PTPN13: variants seen among roughly 807,000 people sequenced by gnomAD.
PTPN13 encodes the protein protein tyrosine phosphatase non-receptor type 13.
Under a neutral mutation model 284.0 loss-of-function variants are expected in PTPN13, and 191 were observed. That is an observed-to-expected ratio of 0.67 (90% confidence interval 0.60 to 0.76). The LOEUF is 0.76. PTPN13 is among the 30% of genes least tolerant of loss of function. The pLI is 0.00. For synonymous variants in PTPN13, 986 were observed against 1,022.3 expected, an observed-to-expected ratio of 0.96 and a Z score of 0.68; for missense variants, 2,797 against 2,939.9, an observed-to-expected ratio of 0.95 and a Z score of 1.12.
chr4:86,799,616 C>G (rs1743763644), intron 42 of PTPN13, among the ~76,000 whole-genome samples: 1 of 151,936 alleles, frequency 6.6e-6, no homozygotes, highest in South Asian at 2.1e-4. Flanking sequence ...AGGCATGAAC[C>G]ACCGCACCCA....
At chr4:86,688,711 T>G (rs186916551) in intron 4 of PTPN13, among the ~76,000 whole-genome samples, 1 of 152,274 alleles carries the variant, frequency 6.6e-6, no homozygotes, top group Non-Finnish European at 1.5e-5. Flanking sequence ...AGTAACTGTT[T>G]ATCAAAACAT....
At chr4:86,742,044 A>G (rs993254561) in intron 16 of PTPN13, among the ~76,000 whole-genome samples, 1 of 152,204 alleles carries the variant, frequency 6.6e-6, no homozygotes. Context: ...GGCTGGTTAT[A>G]TGCTCAATTA....
intron 2 of PTPN13, among the ~76,000 whole-genome samples, chr4:86,643,028 G>A (rs1578320119): frequency 6.6e-6 from 1 of 151,992 alleles, no homozygotes; most frequent in African/African-American, 2.4e-5. Flanking sequence ...CAGCTCTTTC[G>A]AATCTTGAGG....
chr4:86,705,829 A>T (rs956681087), intron 7 of PTPN13, among the ~76,000 whole-genome samples: 1 of 144,308 alleles, frequency 6.9e-6, no homozygotes, highest in African/African-American at 2.5e-5. Flanking sequence ...CATGTGACTT[A>T]AAAAAAAAAA....
intron 40 of PTPN13, among the ~76,000 whole-genome samples, chr4:86,792,409 A>G (rs1427489060): frequency 6.6e-6 from 1 of 152,226 alleles, no homozygotes; most frequent in East Asian, 1.9e-4. Context: ...GACAGGCAGA[A>G]TGGAACCAAG....
chr4:86,628,952 G>A (rs914776386), intron 1 of PTPN13, among the ~76,000 whole-genome samples: 3 of 151,288 alleles, frequency 2.0e-5, no homozygotes, highest in Admixed American at 6.6e-5. Context: ...GAATAGTGCC[G>A]CAATAAACAT....
intron 3 of PTPN13, among the ~76,000 whole-genome samples, chr4:86,675,068 A>C (rs945798360): frequency 6.6e-6 from 1 of 152,136 alleles, no homozygotes; most frequent in Non-Finnish European, 1.5e-5. Flanking sequence ...AGGTTTCCCA[A>C]TTTGCCTTGT....
chr4:86,704,731 T>G (rs1042083102), intron 7 of PTPN13, among the ~76,000 whole-genome samples: 7 of 152,342 alleles, frequency 4.6e-5, no homozygotes, highest in African/African-American at 1.7e-4. Context: ...TCTTGAAATC[T>G]TTTTAACTAG....
At chr4:86,735,783 C>G (rs906139665) in intron 15 of PTPN13, 37 bp downstream of exon 15, 4 of 1,571,474 alleles carry the variant, frequency 2.5e-6, no homozygotes, top group African/African-American at 1.4e-5. Flanking sequence ...AGCTTTGTAT[C>G]TTTTCCAAGT....
At chr4:86,750,059 T>A (rs1298621848) in intron 17 of PTPN13, among the ~76,000 whole-genome samples, 2 of 152,208 alleles carry the variant, frequency 1.3e-5, no homozygotes, top group Non-Finnish European at 2.9e-5. Flanking sequence ...CCATCTAGGT[T>A]TCGTCTCTCC....
In PTPN13 at chr4:86,693,668, C is replaced by A. The variant is rs1182627250; in HGVS notation, c.628C>A (p.Pro210Thr). Residue 210 changes from proline to threonine, a missense_variant, in exon 6 of 48, where the codon CCA becomes ACA. Pro to Thr is a conservative substitution (Grantham distance 38, BLOSUM62 -1). Transcript: ENST00000411767. Reference sequence around the variant, plus strand: ...AGATCGATTGCGAGGAAAAGGATTACCAACAGGTAAGAGTATATTAATAGG... The same window carrying A: ...AGATCGATTGCGAGGAAAAGGATTAACAACAGGTAAGAGTATATTAATAGG... ...IRDRLRGKGL[P>T]TGRSSTSDVL... 6.5e-7 allele frequency: 1 copy of A among 1,548,786 alleles called. No individual in the cohort carries two copies. Among genetic ancestry groups the A allele is most frequent in the Admixed American group, 1.9e-5 (1 of 51,472 alleles).
At position 86,785,903 on chromosome 4, in the gene PTPN13, C is replaced by T. The variant is rs201899360; in HGVS notation, c.6312C>T (p.Cys2104=). The T allele has an allele frequency of 1.8e-4, 277 of 1,562,786 alleles. 3 individuals are homozygous for T. In the African/African-American group the frequency reaches 3.1e-3, roughly 18 times the overall value. ...LSEERTEDTD[C]DGSPLPEYFT... ...AAGAGAGAACAGAAGATACAGACTG[C>T]GATGGTTCACCTTTACCTGAGTATT... is the stretch of plus-strand genomic sequence containing the variant. The change falls in exon 40 of 48, where the codon TGC becomes TGT. Residue 2104 remains cysteine (C), a synonymous_variant. Transcript: ENST00000411767.
chr4:86,613,526 A>G (rs1474178718), intron 1 of PTPN13, among the ~76,000 whole-genome samples: 1 of 151,578 alleles, frequency 6.6e-6, no homozygotes, highest in Non-Finnish European at 1.5e-5. Context: ...CCCAGCTACT[A>G]GAGAGGCTGA....
At chr4:86,780,649 A>G (rs28663463) in intron 36 of PTPN13, among the ~76,000 whole-genome samples, 177 bp downstream of exon 36, 15,223 of 152,264 alleles carry the variant, frequency 0.1, 889 homozygotes, top group Non-Finnish European at 0.11. Context: ...ATTCTACATA[A>G]AAACTTGGAC....
At chr4:86,709,490 G>A (rs73835705) in intron 7 of PTPN13, among the ~76,000 whole-genome samples, 3,243 of 152,272 alleles carry the variant, frequency 0.021, 117 homozygotes, top group African/African-American at 0.074. Context: ...AATATATGCA[G>A]TGGTGCTATT....
intron 40 of PTPN13, among the ~76,000 whole-genome samples, chr4:86,789,861 G>GT (rs1469357839): frequency 7.0e-6 from 1 of 142,102 alleles, no homozygotes; most frequent in African/African-American, 2.6e-5. Flanking sequence ...TTTTTTTTGA[G>GT]TAACAGCAAG....
In PTPN13 at chr4:86,807,492, C is replaced by A. The variant is rs1744778193; in HGVS notation, c.6746-68C>A. The A allele has an allele frequency of 3.4e-6, 4 of 1,186,604 alleles. No individual in the cohort carries two copies. The African/African-American group carries it at 4.6e-5, about 14-fold the overall frequency. The allele number at this position is 1,186,604 out of a possible 1,614,324, so 73.5% of individuals were successfully genotyped here. On this transcript the variant is annotated intron_variant, in intron 44 of 47. Coordinates refer to ENST00000411767, the MANE Select transcript of PTPN13 (RefSeq NM_080683.3). ...AATTTCTCATGATCTTTGACTCATG[C>A]AATTTGTAAGACTCTTGTTTAAAAT... is the stretch of plus-strand genomic sequence containing the variant.
intron 42 of PTPN13, 144 bp from the exon 43 acceptor site, chr4:86,803,565 C>T (rs1385446592): frequency 1.3e-5 from 11 of 844,804 alleles, no homozygotes; most frequent in South Asian, 1.1e-4. Context: ...TGCACTCCAT[C>T]GTAGGCGACA....
intron 46 of PTPN13, 86 bp from the exon 47 acceptor site, chr4:86,810,960 T>G (rs2149393733): frequency 7.5e-7 from 1 of 1,326,248 alleles, no homozygotes; most frequent in African/African-American, 1.5e-5. Context: ...ATACAGAATT[T>G]TACATAAGCC....
Sources: gnomAD v4.1 joint callset for allele counts (sites outside exome capture counted in the v4.1 genomes callset) on GRCh38, gnomAD v4.1.1 for gene constraint, MANE v1.5 for transcripts, NCBI Gene and HGNC (gene_info 2026-07-23, HGNC 2026-07-21) for gene names.